NDUFAB1: variants seen among roughly 807,000 people sequenced by gnomAD.
NDUFAB1 encodes the protein acyl carrier protein, mitochondrial.
Under a neutral mutation model 16.1 loss-of-function variants are expected in NDUFAB1, and 5 were observed. That is an observed-to-expected ratio of 0.31 (90% CI 0.16 to 0.65). The LOEUF is 0.65. NDUFAB1 is among the 30% of genes least tolerant of loss of function. NDUFAB1 has a pLI of 0.77. For synonymous variants in NDUFAB1, 85 were observed against 78.4 expected (o/e 1.08, Z -0.44); for missense variants, 187 against 205.3 (o/e 0.91, Z 0.54).
intron 3 of NDUFAB1, 22 bp downstream of exon 3, chr16:23,585,314 T>C: frequency 6.4e-7 from 1 of 1,554,594 alleles, no homozygotes; most frequent in Non-Finnish European, 8.9e-7. Context: ...TCGCAGTGTG[T>C]AGATAGAAGA....
chr16:23,589,421 A>G, intron 1 of NDUFAB1, among the ~76,000 whole-genome samples: 1 of 152,156 alleles, frequency 6.6e-6, no homozygotes, highest in Admixed American at 6.6e-5. Context: ...TTCTTTGTCT[A>G]AATGTCTAGT....
At chr16:23,594,925 C>T (rs1238293542) in intron 1 of NDUFAB1, among the ~76,000 whole-genome samples, 1 of 152,020 alleles carries the variant, frequency 6.6e-6, no homozygotes, top group East Asian at 1.9e-4. Context: ...TTATTCCCAA[C>T]TGCACTTCAG....
At chr16:23,585,550 T>C in intron 2 of NDUFAB1, 127 bp from the exon 3 acceptor site, 1 of 673,450 alleles carries the variant, frequency 1.5e-6, no homozygotes, top group East Asian at 2.8e-5. Context: ...TTAGGGTACA[T>C]GTGCACAACG....
chr16:23,590,643 T>TCTTCTTC (rs372802871), intron 1 of NDUFAB1, among the ~76,000 whole-genome samples: 1 of 149,118 alleles, frequency 6.7e-6, no homozygotes, highest in African/African-American at 2.5e-5. Flanking sequence ...GGTCTCTTTT[T>TCTTCTTC]TTTTTTTTTT....
chr16:23,582,256 C>A lies in NDUFAB1; in HGVS notation c.*8+20G>T. The A allele has an allele frequency of 6.9e-7, 1 of 1,450,350 alleles. No homozygotes were observed. The highest frequency in any genetic ancestry group is 9.1e-7 in the Non-Finnish European group (1 of 1,098,362). 89.8% of individuals were successfully genotyped at this position (1,450,350 alleles called of 1,614,324 possible). A position where few individuals can be genotyped will look rare whatever the true frequency, so the allele number is the denominator to read the frequency against. On this transcript the variant is annotated intron_variant, in intron 4 of 4. Coordinates refer to ENST00000007516, the MANE Select transcript of NDUFAB1 (RefSeq NM_005003.3). ...CACAGACAAATCTATGGGTGAACAT[C>A]ATTTTTTAAGTCTATTTACCTGATA...
chr16:23,587,307 C>T lies in NDUFAB1; in HGVS notation c.181G>A (p.Val61Ile). 6.2e-7 allele frequency: 1 copy of T among 1,613,890 alleles called. No individual in the cohort carries two copies. Among genetic ancestry groups the T allele is most frequent in the Non-Finnish European group, 8.5e-7 (1 of 1,179,906 alleles). Residue 61 changes from valine (V) to isoleucine (I), a missense_variant, in exon 2 of 5, where the codon GTT (valine) becomes ATT (isoleucine). By Grantham distance (29) the Val-to-Ile change is conservative. Coordinates refer to ENST00000007516, the MANE Select transcript of NDUFAB1 (RefSeq NM_005003.3). ...ALVLAQVPGR[V>I]TQLCRQYSDM... ...CTATACTGGCGGCACAACTGTGTAA[C>T]TCTACCAGGAACCTAGAGCGACGGC...
In NDUFAB1 at chr16:23,583,766, C is replaced by T. The variant is rs1966205994; in HGVS notation, c.380-1391G>A. 1.3e-5 allele frequency among the ~76,000 whole-genome samples: 2 copies of T among 149,186 alleles called. 1 individual carries two copies. The highest frequency in any genetic ancestry group is 3.0e-5 in the Non-Finnish European group (2 of 67,140). ...CGCCCCGTCAGGGAGGTGTACCCAACAGCTCATTGAGAACGGGCCATGATG... is the reference window on the plus strand; with the variant it reads ...CGCCCCGTCAGGGAGGTGTACCCAATAGCTCATTGAGAACGGGCCATGATG... On this transcript the variant is annotated intron_variant, in intron 3 of 4. Transcript: ENST00000007516.
chr16:23,592,713 C>T (rs1966291185), intron 1 of NDUFAB1, among the ~76,000 whole-genome samples: 1 of 151,858 alleles, frequency 6.6e-6, no homozygotes, highest in South Asian at 2.1e-4. Context: ...TTGTTTTTTC[C>T]TTACCTTCTA....
intron 1 of NDUFAB1, among the ~76,000 whole-genome samples, chr16:23,595,889 C>CG (rs1442582597): frequency 8.5e-5 from 13 of 152,242 alleles, no homozygotes; most frequent in Admixed American, 5.2e-4. Flanking sequence ...TTTCGGTAAG[C>CG]GGCAGCCCAG....
At chr16:23,583,452 G>A (rs1015826393) in intron 3 of NDUFAB1, among the ~76,000 whole-genome samples, 5 of 150,990 alleles carry the variant, frequency 3.3e-5, no homozygotes, top group East Asian at 2.0e-4. Context: ...AGTGAGGAGC[G>A]TCTCTGCCCG....
intron 2 of NDUFAB1, 131 bp from the exon 3 acceptor site, chr16:23,585,554 C>T (rs1350477140): frequency 1.1e-5 from 7 of 650,864 alleles, no homozygotes; most frequent in Non-Finnish European, 1.9e-5. Flanking sequence ...GGTACATGTG[C>T]ACAACGTGCA....
intron 2 of NDUFAB1, among the ~76,000 whole-genome samples, chr16:23,586,380 C>A (rs966189302): frequency 6.6e-6 from 1 of 151,582 alleles, no homozygotes; most frequent in African/African-American, 2.4e-5. Context: ...GTCATCCAGG[C>A]TGCAGTGTGC....
intron 1 of NDUFAB1, among the ~76,000 whole-genome samples, chr16:23,590,598 AC>A (rs1966271045): frequency 6.7e-6 from 1 of 148,960 alleles, no homozygotes; most frequent in Admixed American, 6.7e-5. Context: ...GCCCCAAAAT[AC>A]TTGATCCTAC....
In NDUFAB1 at chr16:23,587,215, G is replaced by T. The variant is rs987963738; in HGVS notation, c.273C>A (p.Asp91Glu). Residue 91 changes from aspartate to glutamate, a missense_variant, in exon 2 of 5, where the codon GAC (aspartate) becomes GAA (glutamate). Around this residue, in one of 3 missense-constraint regions of NDUFAB1, gnomAD observed 135 missense variants for 129.4 expected, o/e 1.04. Transcript: ENST00000007516. ...CAGTTACCTTCTCTGGGTCAATCTTGTCATAGAGTTTCAATACGTAAAGAA... is the reference window on the plus strand; with the variant it reads ...CAGTTACCTTCTCTGGGTCAATCTTTTCATAGAGTTTCAATACGTAAAGAA... ...DRVLYVLKLY[D>E]KIDPEKLSVN... 1 of 1,613,798 alleles carries T rather than the reference G, an allele frequency of 6.2e-7. No homozygotes were observed. Among genetic ancestry groups the T allele is most frequent in the East Asian group, 2.2e-5 (1 of 44,870 alleles).
intron 3 of NDUFAB1, 59 bp from the exon 4 acceptor site, chr16:23,582,434 G>T: frequency 6.8e-7 from 1 of 1,467,470 alleles, no homozygotes; most frequent in South Asian, 1.4e-5. Flanking sequence ...CTTTAGAACT[G>T]AACACACCTG....
chr16:23,583,877 A>T (rs971036048), intron 3 of NDUFAB1, among the ~76,000 whole-genome samples: 1 of 152,160 alleles, frequency 6.6e-6, no homozygotes, highest in Non-Finnish European at 1.5e-5. Context: ...GTGTAGAAAG[A>T]AGTAGACATA....
Position 23,596,202 on chromosome 16 carries a change from C to T in NDUFAB1, c.89G>A (p.Arg30Gln). 2 of 1,610,104 alleles carry T rather than the reference C, an allele frequency of 1.2e-6. No homozygotes were observed. The highest frequency in any genetic ancestry group is 2.2e-5 in the South Asian group (2 of 90,666). ...GGAGCAGAGAGCGGTGCTGAGAGGC[C>T]GGGCCACGGCCAGCATCCGGACCCG... The part of the protein sequence containing the change: ...LPRVRMLAVA[R>Q]PLSTALCSAG... The change falls in exon 1 of 5, where the codon CGG becomes CAG. Residue 30 changes from arginine to glutamine, a missense_variant. Arg to Gln is a conservative substitution (Grantham distance 43, BLOSUM62 1). Coordinates refer to ENST00000007516, the MANE Select transcript of NDUFAB1 (RefSeq NM_005003.3).
rs765883515 is a variant in NDUFAB1 at position 23,587,260 on chromosome 16, T to A, written c.228A>T (p.Leu76Phe). The A allele has an allele frequency of 1.9e-6, 3 of 1,614,120 alleles. No homozygotes were observed. The change falls in exon 2 of 5, where the codon TTA becomes TTT. Residue 76 changes from leucine to phenylalanine, a missense_variant. Coordinates refer to ENST00000007516, the MANE Select transcript of NDUFAB1 (RefSeq NM_005003.3). The part of the protein sequence containing the change: ...RQYSDMPPLT[L>F]EGIQDRVLYV... Reference sequence around the variant, plus strand: ...AAAGAACACGGTCCTGGATGCCCTCTAACGTCAAAGGAGGCATGTCGCTAT... The same window carrying A: ...AAAGAACACGGTCCTGGATGCCCTCAAACGTCAAAGGAGGCATGTCGCTAT...
rs556344782 is a variant in NDUFAB1, at chr16:23,596,042, C to G, written c.168+81G>C. The G allele has an allele frequency of 5.4e-6, 8 of 1,490,326 alleles. No homozygotes were observed. The South Asian group carries it at 1.0e-4, about 20-fold the overall frequency. 92.3% of individuals were successfully genotyped at this position (1,490,326 alleles called of 1,614,324 possible). ...GGGTCACCCCTGCCTGCAGCTGGCG[C>G]GCCCCGGATGCCCGGCCCCCACCCC... On this transcript the variant is annotated intron_variant, in intron 1 of 4. Transcript: ENST00000007516.
Sources: allele counts gnomAD v4.1 joint callset (sites outside exome capture counted in the v4.1 genomes callset), GRCh38; gene constraint gnomAD v4.1.1; regional missense constraint gnomAD v4.1.1; transcripts MANE v1.5; gene names NCBI Gene and HGNC (gene_info 2026-07-23, HGNC 2026-07-21).